The following COL26A1 variants were observed in gnomAD, a reference collection of about 807,000 sequenced individuals.
COL26A1 encodes the protein collagen alpha-1(XXVI) chain.
COL26A1 carries 41 observed loss-of-function variants against 59.3 expected under a neutral mutation model. The observed-to-expected ratio is 0.69, with a 90% CI of 0.54 to 0.90. COL26A1 has a LOEUF of 0.90. Among genes scored for constraint, COL26A1 ranks in the 40% least tolerant of loss-of-function variants. COL26A1 has a pLI of 0.00. For missense variants in COL26A1, 612 were observed against 602.3 expected (o/e 1.02, Z -0.17); for synonymous variants, 266 against 256.0 (o/e 1.04, Z -0.37).
At chr7:101,397,393 T>A (rs1791881084) in intron 1 of COL26A1, among the ~76,000 whole-genome samples, 1 of 151,914 alleles carries the variant, frequency 6.6e-6, no homozygotes, top group South Asian at 2.1e-4. Context: ...TCTTTCTTTT[T>A]TTTTATCTTT....
At chr7:101,386,257 G>GTTTTTTTTTT (rs71106515) in intron 1 of COL26A1, among the ~76,000 whole-genome samples, 3 of 117,672 alleles carry the variant, frequency 2.5e-5, no homozygotes, top group South Asian at 2.8e-4. Context: ...GTCCTAGCTT[G>GTTTTTTTTTT]TTTTTTTTTT....
At chr7:101,457,218 G>A (rs929008443) in intron 3 of COL26A1, among the ~76,000 whole-genome samples, 26 of 152,154 alleles carry the variant, frequency 1.7e-4, no homozygotes, top group African/African-American at 6.0e-4. Flanking sequence ...TCATGAGTCC[G>A]GGTGGGGTCA....
intron 3 of COL26A1, among the ~76,000 whole-genome samples, chr7:101,486,888 C>T (rs992305959): frequency 4.6e-5 from 7 of 152,184 alleles, no homozygotes; most frequent in Admixed American, 1.3e-4. Context: ...CTAAAGCCTT[C>T]GGGCAAATCT....
At position 101,531,115 on chromosome 7, in the gene COL26A1, C is replaced by T. The variant is rs941553177; in HGVS notation, c.386-1967C>T. On this transcript the variant is annotated intron_variant, in intron 3 of 12. Coordinates refer to ENST00000313669, the MANE Select transcript of COL26A1 (RefSeq NM_001278563.3). ...CCTCCCGAGTAGCTGAGACTACAGG[C>T]GCCCGCCACCATGCCTGGCTAATTT... 7.2e-5 allele frequency among the ~76,000 whole-genome samples: 11 copies of T among 152,042 alleles called. No homozygotes were observed. In the East Asian group the frequency reaches 9.7e-4, roughly 13 times the overall value.
intron 3 of COL26A1, among the ~76,000 whole-genome samples, chr7:101,487,390 C>T (rs912856078): frequency 4.7e-4 from 72 of 152,248 alleles, no homozygotes; most frequent in Admixed American, 1.6e-3. Context: ...CCCATCACCC[C>T]GTGTCAGCAC....
intron 1 of COL26A1, among the ~76,000 whole-genome samples, chr7:101,403,976 C>T (rs752872615): frequency 2.2e-4 from 34 of 152,124 alleles, no homozygotes; most frequent in Non-Finnish European, 3.8e-4. Flanking sequence ...CACCTGTAGT[C>T]CCAGCTACTT....
chr7:101,495,670 C>T (rs1188547396), intron 3 of COL26A1, among the ~76,000 whole-genome samples: 2 of 151,326 alleles, frequency 1.3e-5, no homozygotes, highest in Non-Finnish European at 2.9e-5. Context: ...CCGCCCACCT[C>T]GGCCTCCCAA....
intron 1 of COL26A1, among the ~76,000 whole-genome samples, chr7:101,415,847 A>C (rs1792358933): frequency 6.6e-6 from 1 of 151,602 alleles, no homozygotes; most frequent in Admixed American, 6.6e-5. Context: ...TGCCCAGGTT[A>C]GTCTGGAACT....
chr7:101,505,023 C>T lies in COL26A1; in HGVS notation c.386-28059C>T, dbSNP rs557251128. On this transcript the variant is annotated intron_variant, in intron 3 of 12. Transcript: ENST00000313669. ...ACAAAAAATTAGCCGGGTATGGTGGCGAACGCCTGTAATCCCAGCTATTCC... is the reference window on the plus strand; with the variant it reads ...ACAAAAAATTAGCCGGGTATGGTGGTGAACGCCTGTAATCCCAGCTATTCC... 3.0e-4 allele frequency among the ~76,000 whole-genome samples: 45 copies of T among 152,192 alleles called. No homozygotes were observed. In the South Asian group the frequency reaches 8.5e-3, roughly 29 times the overall value.
intron 3 of COL26A1, among the ~76,000 whole-genome samples, chr7:101,513,669 A>G (rs1794971743): frequency 6.6e-6 from 1 of 152,132 alleles, no homozygotes; most frequent in Non-Finnish European, 1.5e-5. Flanking sequence ...AAGGTCATGA[A>G]TGGGATTTGG....
chr7:101,441,092 A>C (rs924006990), intron 2 of COL26A1, among the ~76,000 whole-genome samples: 1 of 151,154 alleles, frequency 6.6e-6, no homozygotes, highest in African/African-American at 2.4e-5. Flanking sequence ...ATGAGAGGGA[A>C]AACCTTTGCC....
At chr7:101,460,352 G>T (rs1793580584) in intron 3 of COL26A1, among the ~76,000 whole-genome samples, 1 of 152,034 alleles carries the variant, frequency 6.6e-6, no homozygotes, top group African/African-American at 2.4e-5. Context: ...CTGGTTCAAG[G>T]CCTGGCTCCC....
At chr7:101,544,183 C>T (rs930807813) in intron 6 of COL26A1, 87 bp downstream of exon 6, 8 of 987,522 alleles carry the variant, frequency 8.1e-6, no homozygotes, top group South Asian at 4.4e-5. Flanking sequence ...AGGTGTCCCA[C>T]GCACCCACAG....
intron 1 of COL26A1, among the ~76,000 whole-genome samples, chr7:101,409,163 C>T (rs1220595709): frequency 2.6e-5 from 4 of 152,152 alleles, no homozygotes; most frequent in Non-Finnish European, 5.9e-5. Context: ...CCACTCCATG[C>T]GCTTGGCTGG....
chr7:101,541,110 C>T (rs1370047669), intron 5 of COL26A1, among the ~76,000 whole-genome samples: 1 of 152,212 alleles, frequency 6.6e-6, no homozygotes, highest in Non-Finnish European at 1.5e-5. Flanking sequence ...CCCACCATTC[C>T]CTATTGTCTT....
intron 3 of COL26A1, among the ~76,000 whole-genome samples, chr7:101,461,053 C>G (rs1793598833): frequency 6.6e-6 from 1 of 152,104 alleles, no homozygotes; most frequent in South Asian, 2.1e-4. Context: ...GCTATCATAG[C>G]TCACTTCAAT....
intron 1 of COL26A1, among the ~76,000 whole-genome samples, chr7:101,411,525 A>G (rs1481397979): frequency 2.6e-5 from 4 of 152,068 alleles, no homozygotes; most frequent in African/African-American, 9.7e-5. Context: ...GAGGCAGGGA[A>G]GGGAGGGAGG....
At chr7:101,540,127 G>C in intron 5 of COL26A1, 78 bp downstream of exon 5, 1 of 1,439,416 alleles carries the variant, frequency 6.9e-7, no homozygotes. Context: ...CCTCCCTAGA[G>C]AGGCCACACA....
intron 4 of COL26A1, among the ~76,000 whole-genome samples, chr7:101,538,745 A>G (rs1795538033): frequency 6.9e-6 from 1 of 143,952 alleles, no homozygotes; most frequent in South Asian, 2.1e-4. Context: ...CACCCTGGAG[A>G]CACCCCTGCT....
Sources: allele counts gnomAD v4.1 joint callset (sites outside exome capture counted in the v4.1 genomes callset), GRCh38; gene constraint gnomAD v4.1.1; transcripts MANE v1.5; gene names NCBI Gene and HGNC (gene_info 2026-07-23, HGNC 2026-07-21).